Variants in LRP1B observed in about 807,000 individuals in gnomAD.
LRP1B encodes low-density lipoprotein receptor-related protein 1B.
LRP1B carries 217 observed loss-of-function variants against 556.6 expected under a neutral mutation model. The observed-to-expected ratio is 0.39, with a 90% CI of 0.35 to 0.44. LRP1B has a LOEUF of 0.44. Among genes scored for constraint, LRP1B ranks in the 20% least tolerant of loss-of-function variants. LRP1B has a pLI of 1.00. For missense variants in LRP1B, 5,053 were observed against 5,620.8 expected (o/e 0.90, Z 3.23); for synonymous variants, 2,047 against 1,865.8 (o/e 1.10, Z -2.50).
At chr2:142,060,971 T>A (rs1407281049) in intron 1 of LRP1B, among the ~76,000 whole-genome samples, 2 of 151,894 alleles carry the variant, frequency 1.3e-5, no homozygotes, top group East Asian at 3.9e-4. Flanking sequence ...AGTAAGCTTT[T>A]AAGGAAACAG....
At chr2:140,653,348 T>C (rs1684756510) in intron 41 of LRP1B, among the ~76,000 whole-genome samples, 1 of 151,978 alleles carries the variant, frequency 6.6e-6, no homozygotes, top group Non-Finnish European at 1.5e-5. Flanking sequence ...GATATACATA[T>C]CTCTTAAGGG....
At chr2:140,502,917 T>C (rs1310505208) in intron 54 of LRP1B, 46 bp downstream of exon 54, 8 of 1,592,446 alleles carry the variant, frequency 5.0e-6, no homozygotes, top group Admixed American at 3.4e-5. Context: ...AATTTTTCCA[T>C]TGAAAACACT....
intron 18 of LRP1B, among the ~76,000 whole-genome samples, chr2:140,974,562 A>G (rs2105333702): frequency 6.6e-6 from 1 of 152,354 alleles, no homozygotes; most frequent in Non-Finnish European, 1.5e-5. Flanking sequence ...TGTTTGTACT[A>G]GTAGGTGTGT....
At chr2:141,606,759 C>A (rs978841373) in intron 2 of LRP1B, among the ~76,000 whole-genome samples, 1 of 152,180 alleles carries the variant, frequency 6.6e-6, no homozygotes, top group East Asian at 1.9e-4. Context: ...CTGCCAACAC[C>A]TTGATCTTGG....
At chr2:141,262,344 A>T (rs79815510) in intron 3 of LRP1B, among the ~76,000 whole-genome samples, 1,875 of 151,978 alleles carry the variant, frequency 0.012, 31 homozygotes, top group African/African-American at 0.044. Context: ...TTGTTACGAG[A>T]TATATGATTT....
intron 7 of LRP1B, among the ~76,000 whole-genome samples, chr2:141,090,601 C>T (rs1700150687): frequency 6.6e-6 from 1 of 152,164 alleles, no homozygotes; most frequent in South Asian, 2.1e-4. Context: ...TTGATGATTC[C>T]TGGCATGAAA....
At chr2:140,443,123 C>T (rs947903365) in intron 65 of LRP1B, among the ~76,000 whole-genome samples, 1 of 152,140 alleles carries the variant, frequency 6.6e-6, no homozygotes, top group South Asian at 2.1e-4. Flanking sequence ...TTCAGTGACA[C>T]AGTCTTGGCT....
chr2:141,388,312 T>C (rs1448526943), intron 3 of LRP1B, among the ~76,000 whole-genome samples: 4 of 152,090 alleles, frequency 2.6e-5, no homozygotes, highest in African/African-American at 9.7e-5. Flanking sequence ...GGTGGGTGCC[T>C]GTAATCCCAG....
At chr2:141,640,240 G>A (rs145433576) in intron 2 of LRP1B, among the ~76,000 whole-genome samples, 123 of 152,204 alleles carry the variant, frequency 8.1e-4, no homozygotes, top group Middle Eastern at 3.4e-3. Context: ...AAACTATCAA[G>A]TGTTGCAAAT....
intron 33 of LRP1B, among the ~76,000 whole-genome samples, chr2:140,771,314 CATCT>C (rs1689304125): frequency 6.6e-6 from 1 of 152,068 alleles, no homozygotes; most frequent in Non-Finnish European, 1.5e-5. Flanking sequence ...GAGAAACCAG[CATCT>C]TTTTCTCTTT....
chr2:140,514,786 A>C lies in LRP1B; in HGVS notation c.8150-14T>G. The C allele has an allele frequency of 6.2e-7, 1 of 1,601,774 alleles. No homozygotes were observed. The highest frequency in any genetic ancestry group is 8.5e-7 in the Non-Finnish European group (1 of 1,174,242). ...AGCAAGAAGAATCTAGGAAACAAACAAAAGGAAAAAAAAAAATAGTTTGAG... is the reference window on the plus strand; with the variant it reads ...AGCAAGAAGAATCTAGGAAACAAACCAAAGGAAAAAAAAAAATAGTTTGAG... On this transcript the variant is annotated splice_polypyrimidine_tract_variant and intron_variant, in intron 50 of 90. Transcript: ENST00000389484.
chr2:142,033,852 G>C (rs1703786579), intron 1 of LRP1B, among the ~76,000 whole-genome samples: 1 of 151,710 alleles, frequency 6.6e-6, no homozygotes, highest in Admixed American at 6.6e-5. Flanking sequence ...TGAAAACAAT[G>C]TTCTCTGTTG....
intron 3 of LRP1B, among the ~76,000 whole-genome samples, chr2:141,375,816 T>TG (rs1689408285): frequency 6.6e-6 from 1 of 152,156 alleles, no homozygotes; most frequent in African/African-American, 2.4e-5. Flanking sequence ...CAGACCACTG[T>TG]GGGGCAGTGA....
intron 41 of LRP1B, among the ~76,000 whole-genome samples, chr2:140,646,517 T>G (rs1191062190): frequency 6.6e-6 from 1 of 152,184 alleles, no homozygotes; most frequent in Non-Finnish European, 1.5e-5. Flanking sequence ...AGATTCAAAG[T>G]GAGCTCTCTT....
intron 1 of LRP1B, among the ~76,000 whole-genome samples, chr2:141,875,294 C>T (rs1043588411): frequency 3.3e-5 from 5 of 151,822 alleles, no homozygotes; most frequent in African/African-American, 1.2e-4. Flanking sequence ...AGGCATGAAC[C>T]TGTTATCAGG....
rs151273320 is a variant in LRP1B at position 140,932,143 on chromosome 2, G to A, written c.3137-8996C>T. ...TGAGATATCTCTGTGAGGGAGGGAT[G>A]GAGAATATAATTTAAAAATTATTAA... On this transcript the variant is annotated intron_variant, in intron 20 of 90. Transcript: ENST00000389484. Among the ~76,000 whole-genome samples the A allele has an allele frequency of 2.4e-4, 36 of 152,098 alleles. No homozygotes were observed. In the East Asian group the frequency reaches 5.8e-3, roughly 25 times the overall value.
At chr2:140,338,934 G>A (rs531365393) in intron 77 of LRP1B, among the ~76,000 whole-genome samples, 1 of 151,878 alleles carries the variant, frequency 6.6e-6, no homozygotes, top group African/African-American at 2.4e-5. Flanking sequence ...CTAATCAAAT[G>A]TGTCCTGTTT....
intron 23 of LRP1B, among the ~76,000 whole-genome samples, chr2:140,898,248 T>G (rs1482555905): frequency 6.6e-6 from 1 of 152,172 alleles, no homozygotes; most frequent in African/African-American, 2.4e-5. Context: ...GGACAGCTTT[T>G]CCTGGGTCTT....
In LRP1B at chr2:141,777,422, T is replaced by G. The variant is rs1396487402; in HGVS notation, c.205+32857A>C. ...TTTATTTATTTTTAAATGTATTTCT[T>G]TATTTTTTTTTGAGATGGAGTCTCA... On this transcript the variant is annotated intron_variant, in intron 2 of 90. Coordinates refer to ENST00000389484, the MANE Select transcript of LRP1B (RefSeq NM_018557.3). Among the ~76,000 whole-genome samples, 9 of 152,282 alleles carry G rather than the reference T, an allele frequency of 5.9e-5. No homozygotes were observed. In the East Asian group the frequency reaches 1.7e-3, roughly 29 times the overall value.
Sources: allele counts gnomAD v4.1 joint callset (sites outside exome capture counted in the v4.1 genomes callset), GRCh38; gene constraint gnomAD v4.1.1; transcripts MANE v1.5; gene names NCBI Gene and HGNC (gene_info 2026-07-23, HGNC 2026-07-21).